The following YWHAQ variants were observed in gnomAD, a reference collection of about 807,000 sequenced individuals.
YWHAQ encodes tyrosine 3-monooxygenase/tryptophan 5-monooxygenase activation protein theta.
Under a neutral mutation model 28.3 loss-of-function variants are expected in YWHAQ, and 6 were observed. The observed-to-expected ratio is 0.21, with a 90% CI of 0.12 to 0.42. The LOEUF is 0.42. YWHAQ is among the 10% of genes least tolerant of loss of function. YWHAQ has a pLI of 1.00. For synonymous variants in YWHAQ, 143 were observed against 119.1 expected (o/e 1.20, Z -1.31); for missense variants, 201 against 305.6 (o/e 0.66, Z 2.55).
In YWHAQ at chr2:9,602,829, T is replaced by TA. The variant is rs869073430; in HGVS notation, c.295-11315dup. On this transcript the variant is annotated intron_variant, in intron 2 of 5. Coordinates refer to ENST00000238081, the MANE Select transcript of YWHAQ (RefSeq NM_006826.4). Reference sequence around the variant, plus strand: ...CAGGTGTGAACCACCATGCCTAATTTAAAAAAAAAAAAAAAAAAAAAAAAA... The same window carrying TA: ...CAGGTGTGAACCACCATGCCTAATTTAAAAAAAAAAAAAAAAAAAAAAAAAA... Among the ~76,000 whole-genome samples the TA allele has an allele frequency of 7.0e-4, 26 of 37,218 alleles. 1 individual carries two copies. The highest frequency in any genetic ancestry group is 1.0e-3 in the Non-Finnish European group (21 of 20,072). The allele number at this position is 37,218 out of a possible 152,430, so 24.4% of individuals were successfully genotyped here. A position where few individuals can be genotyped will look rare whatever the true frequency, so the allele number is the denominator to read the frequency against.
chr2:9,588,045 T>G, intron 4 of YWHAQ, 120 bp downstream of exon 4: 2 of 1,245,830 alleles, frequency 1.6e-6, no homozygotes, highest in Non-Finnish European at 1.1e-6. Context: ...AAGAGGAGAT[T>G]TCAAAATAAA....
At chr2:9,615,124 T>C (rs1052519508) in intron 2 of YWHAQ, 4 of 152,156 alleles carry the variant, frequency 2.6e-5, no homozygotes, top group Admixed American at 6.5e-5. Context: ...TTTACTTTGC[T>C]AGCAGTCACA....
In YWHAQ at chr2:9,602,862, AATATATATATATATAT is replaced by A. The variant is rs71413909; in HGVS notation, c.295-11363_295-11348del. ...AAAAAAAAAAAAAAAAAAAAAAAAAAATATATATATATATATATATATATATATATATATATATATA... is the reference window on the plus strand; with the variant it reads ...AAAAAAAAAAAAAAAAAAAAAAAAAAATATATATATATATATATATATATA... On this transcript the variant is annotated intron_variant, in intron 2 of 5. Transcript: ENST00000238081. Among the ~76,000 whole-genome samples, 184 of 20,842 alleles carry A rather than the reference AATATATATATATATAT, an allele frequency of 8.8e-3. 3 individuals carry two copies. The highest frequency in any genetic ancestry group is 0.032 in the African/African-American group (154 of 4,766). The allele number at this position is 20,842 out of a possible 152,430, so 13.7% of individuals were successfully genotyped here. A position where few individuals can be genotyped will look rare whatever the true frequency, so the allele number is the denominator to read the frequency against.
intron 2 of YWHAQ, among the ~76,000 whole-genome samples, chr2:9,616,443 C>CAA (rs748362781): frequency 0.017 from 1,507 of 89,590 alleles, 31 homozygotes; most frequent in African/African-American, 0.051. Context: ...CATAAGCAAC[C>CAA]AAAAAAAAAA....
intron 2 of YWHAQ, among the ~76,000 whole-genome samples, chr2:9,623,269 A>G (rs1038426783): frequency 1.3e-5 from 2 of 152,252 alleles, no homozygotes; most frequent in African/African-American, 2.4e-5. Flanking sequence ...GGAAAGGGTT[A>G]GGGGAAATGA....
chr2:9,622,145 T>A (rs1021043446), intron 2 of YWHAQ, among the ~76,000 whole-genome samples: 14 of 150,952 alleles, frequency 9.3e-5, no homozygotes, highest in African/African-American at 3.2e-4. Flanking sequence ...GAAAGAAACC[T>A]GCACGTCCTG....
Position 9,630,555 on chromosome 2 carries a change from G to T in YWHAQ, c.-82-21C>A. 1 of 1,208,010 alleles carries T rather than the reference G, an allele frequency of 8.3e-7. No individual in the cohort carries two copies. The highest frequency in any genetic ancestry group is 1.1e-6 in the Non-Finnish European group (1 of 895,026). 74.8% of individuals were successfully genotyped at this position (1,208,010 alleles called of 1,614,324 possible). On this transcript the variant is annotated intron_variant, in intron 1 of 5. Coordinates refer to ENST00000238081, the MANE Select transcript of YWHAQ (RefSeq NM_006826.4). This position sits in a 1 kb window ranked among gnomAD's most constrained non-coding sequence, Gnocchi z 5.6. ...GAGAGCTGCGGAGGGGCGGGGCGGC[G>T]AGGCGAGAACAAAAAGCAGAGAGGG...
At chr2:9,589,777 T>C (rs970559940) in intron 3 of YWHAQ, among the ~76,000 whole-genome samples, 3 of 152,216 alleles carry the variant, frequency 2.0e-5, no homozygotes, top group African/African-American at 7.2e-5. Context: ...TGACCAGAGT[T>C]TGATTACTAG....
At chr2:9,627,635 G>A (rs1409288523) in intron 2 of YWHAQ, among the ~76,000 whole-genome samples, 1 of 152,142 alleles carries the variant, frequency 6.6e-6, no homozygotes, top group Admixed American at 6.5e-5. Context: ...TTCAAGACCA[G>A]CCTGGGTGTA....
chr2:9,613,149 T>C (rs1195215137), intron 2 of YWHAQ, among the ~76,000 whole-genome samples: 1 of 152,146 alleles, frequency 6.6e-6, no homozygotes, highest in Non-Finnish European at 1.5e-5. Context: ...CCTTCAAAAA[T>C]ATTTTTTTTA....
chr2:9,585,381 T>C (rs751873357), intron 5 of YWHAQ, 36 bp from the exon 6 acceptor site: 26 of 1,609,808 alleles, frequency 1.6e-5, no homozygotes, highest in African/African-American at 4.0e-5. Context: ...TTACTATTTC[T>C]AGATTAGGCA....
Position 9,630,697 on chromosome 2 carries a change from C to CGGCCGGAGGA in YWHAQ, c.-82-164_-82-163insTCCTCCGGCC, listed in dbSNP as rs1223859755. 1 of 253,614 alleles carries CGGCCGGAGGA rather than the reference C, an allele frequency of 3.9e-6. No homozygotes were observed. Among genetic ancestry groups the CGGCCGGAGGA allele is most frequent in the Non-Finnish European group, 7.4e-6 (1 of 135,220 alleles). The allele number at this position is 253,614 out of a possible 1,614,324, so 15.7% of individuals were successfully genotyped here. On this transcript the variant is annotated intron_variant, in intron 1 of 5. Coordinates refer to ENST00000238081, the MANE Select transcript of YWHAQ (RefSeq NM_006826.4). This position sits in a 1 kb window ranked among gnomAD's most constrained non-coding sequence, Gnocchi z 5.6. ...GGGCACCCGGGGAGGCCGCGGCCCG[C>CGGCCGGAGGA]GGCTGGAGGAGGCGGGGGCGGCGCG... is the stretch of plus-strand genomic sequence containing the variant.
chr2:9,617,414 C>A (rs941820876), intron 2 of YWHAQ, among the ~76,000 whole-genome samples: 2 of 151,994 alleles, frequency 1.3e-5, no homozygotes, highest in Non-Finnish European at 2.9e-5. Context: ...TATGAGGTAC[C>A]TAGAGTAGTC....
intron 5 of YWHAQ, 51 bp downstream of exon 5, chr2:9,587,359 TATAA>T (rs1666365391): frequency 4.7e-6 from 7 of 1,501,526 alleles, no homozygotes; most frequent in Middle Eastern, 2.1e-4. Context: ...CAAAATAAAA[TATAA>T]ATACTTTTGT....
intron 2 of YWHAQ, among the ~76,000 whole-genome samples, chr2:9,613,964 T>C (rs1290828750): frequency 1.3e-5 from 2 of 152,234 alleles, no homozygotes; most frequent in African/African-American, 4.8e-5. Flanking sequence ...ATGGGTGAGC[T>C]GCAATGTGAC....
chr2:9,590,124 T>C (rs1249667464), intron 3 of YWHAQ, among the ~76,000 whole-genome samples: 1 of 152,232 alleles, frequency 6.6e-6, no homozygotes, highest in African/African-American at 2.4e-5. Flanking sequence ...TATCAGAATG[T>C]ACACAGGACT....
chr2:9,628,553 C>T (rs552626719), intron 2 of YWHAQ: 1 of 152,340 alleles, frequency 6.6e-6, no homozygotes, highest in South Asian at 2.1e-4. Flanking sequence ...AAGCAATAAA[C>T]TGAACAGAAA....
chr2:9,628,538 T>C (rs536382391), intron 2 of YWHAQ, among the ~76,000 whole-genome samples: 10 of 152,352 alleles, frequency 6.6e-5, no homozygotes, highest in African/African-American at 1.9e-4. Flanking sequence ...AGGTAACTAA[T>C]TGAAAAGCAA....
chr2:9,605,151 T>C (rs1666796241), intron 2 of YWHAQ, among the ~76,000 whole-genome samples: 1 of 151,594 alleles, frequency 6.6e-6, no homozygotes, highest in South Asian at 2.1e-4. Flanking sequence ...TTTTTTTTTT[T>C]TTTTTGAGAC....
Sources: gnomAD v4.1 joint callset for allele counts (sites outside exome capture counted in the v4.1 genomes callset) on GRCh38, gnomAD v4.1.1 for gene constraint, Gnocchi (gnomAD v3.1) non-coding constraint, MANE v1.5 for transcripts, NCBI Gene and HGNC (gene_info 2026-07-23, HGNC 2026-07-21) for gene names.